DYNC1I1: variants seen among roughly 807,000 people sequenced by gnomAD.
DYNC1I1 encodes the protein cytoplasmic dynein 1 intermediate chain 1.
A neutral mutation model predicts 86.6 loss-of-function variants in DYNC1I1; 43 were observed. That is an observed-to-expected ratio of 0.50 (90% confidence interval 0.39 to 0.64). DYNC1I1 has a LOEUF of 0.64. DYNC1I1 is among the 30% of genes least tolerant of loss of function. The probability of loss-of-function intolerance (pLI) is 0.00; values close to 1 mark genes in which losing one functional copy is unlikely to be tolerated. For missense variants in DYNC1I1, 604 were observed against 788.8 expected, an observed-to-expected ratio of 0.77 and a Z score of 2.81; for synonymous variants, 262 against 283.7, an observed-to-expected ratio of 0.92 and a Z score of 0.77.
At chr7:96,040,587 G>A (rs1584270954) in intron 14 of DYNC1I1, among the ~76,000 whole-genome samples, 1 of 152,104 alleles carries the variant, frequency 6.6e-6, no homozygotes, top group South Asian at 2.1e-4. Flanking sequence ...TGCATATGTT[G>A]AGCTAAAGGT....
chr7:95,806,766 C>A (rs181376769), intron 2 of DYNC1I1, among the ~76,000 whole-genome samples: 172 of 152,296 alleles, frequency 1.1e-3, no homozygotes, highest in African/African-American at 4.0e-3. Context: ...GGCTTGAAAT[C>A]TTTTCCCTTC....
In DYNC1I1 at chr7:95,810,081, AT is replaced by A. The variant is rs202086241; in HGVS notation, c.109-302del. The stretch of plus-strand genomic sequence containing the variant: ...AAGGAAGTCTAAAAAAAGAGACAGA[AT>A]TTTTTTTTATATTATATCCCCAGCC... On this transcript the variant is annotated intron_variant, in intron 2 of 16. Transcript: ENST00000447467. Among the ~76,000 whole-genome samples, 17 of 151,844 alleles carry A rather than the reference AT, an allele frequency of 1.1e-4. No homozygotes were observed. In the East Asian group the frequency reaches 1.4e-3, roughly 12 times the overall value.
intron 5 of DYNC1I1, among the ~76,000 whole-genome samples, chr7:95,835,230 C>T (rs1384470426): frequency 3.8e-5 from 4 of 105,506 alleles, no homozygotes; most frequent in Non-Finnish European, 5.6e-5. Context: ...TCGTTATGTA[C>T]CCAGTAGTCA....
intron 5 of DYNC1I1, among the ~76,000 whole-genome samples, chr7:95,829,484 T>C (rs1175116814): frequency 1.3e-5 from 2 of 152,178 alleles, no homozygotes; most frequent in Non-Finnish European, 2.9e-5. Context: ...TGGTAAGTTA[T>C]AGTTCAGGGG....
chr7:95,803,073 C>T lies in DYNC1I1; in HGVS notation c.-9-1648C>T, dbSNP rs530758391. On this transcript the variant is annotated intron_variant, in intron 1 of 16. Transcript: ENST00000447467. ...CACAAAGTTGTAGTAGGTCAGAGCA[C>T]GGACAAGCTTGAATTTAGGTTCTGC... is the stretch of plus-strand genomic sequence containing the variant. Among the ~76,000 whole-genome samples the T allele has an allele frequency of 8.5e-5, 13 of 152,296 alleles. No homozygotes were observed. In the South Asian group the frequency reaches 2.1e-3, roughly 24 times the overall value.
downstream of DYNC1I1, among the ~76,000 whole-genome samples, chr7:96,098,805 C>T (rs371773811): frequency 6.6e-6 from 1 of 152,090 alleles, no homozygotes; most frequent in Non-Finnish European, 1.5e-5. Context: ...CTTCAATAAA[C>T]TTTTTTTCAA....
intron 14 of DYNC1I1, among the ~76,000 whole-genome samples, chr7:96,040,618 G>A (rs1352939288): frequency 6.6e-6 from 1 of 152,118 alleles, no homozygotes; most frequent in African/African-American, 2.4e-5. Flanking sequence ...GGCATTTCAA[G>A]ATCTCCATTA....
rs200649991 is a variant in DYNC1I1, at chr7:96,047,893, AG to A, written c.1509+8473del. On this transcript the variant is annotated intron_variant, in intron 14 of 16. Transcript: ENST00000447467. ...CTATTGGAATAAAAATTAAATTAAAAGAAAAAACCAGAGGAAGATTATTTCA... is the reference window on the plus strand; with the variant it reads ...CTATTGGAATAAAAATTAAATTAAAAAAAAAACCAGAGGAAGATTATTTCA... Among the ~76,000 whole-genome samples, 944 of 152,356 alleles carry A rather than the reference AG, an allele frequency of 6.2e-3. 8 individuals carry two copies. Among genetic ancestry groups the A allele is most frequent in the Middle Eastern group, 0.017 (5 of 294 alleles).
intron 16 of DYNC1I1, among the ~76,000 whole-genome samples, chr7:96,082,545 A>T (rs1392132241): frequency 6.6e-6 from 1 of 152,166 alleles, no homozygotes; most frequent in Non-Finnish European, 1.5e-5. Flanking sequence ...GGACTGAAAA[A>T]CAGATTAGTT....
chr7:96,020,044 A>T (rs1218644877), intron 10 of DYNC1I1, among the ~76,000 whole-genome samples: 6 of 151,936 alleles, frequency 3.9e-5, no homozygotes, highest in Admixed American at 2.0e-4. Flanking sequence ...AAAAAAAAAA[A>T]TAAGGCTTAG....
intron 5 of DYNC1I1, among the ~76,000 whole-genome samples, chr7:95,868,018 G>A (rs189599616): frequency 9.5e-4 from 145 of 152,256 alleles, no homozygotes; most frequent in African/African-American, 3.4e-3. Flanking sequence ...TCCCTCATTT[G>A]GTGATTTTGT....
At chr7:95,904,245 C>G (rs1475247899) in intron 6 of DYNC1I1, among the ~76,000 whole-genome samples, 1 of 152,128 alleles carries the variant, frequency 6.6e-6, no homozygotes, top group Non-Finnish European at 1.5e-5. Flanking sequence ...GACCTGGACC[C>G]TAGCCAGACC....
At chr7:95,805,890 A>G (rs554030862) in intron 2 of DYNC1I1, among the ~76,000 whole-genome samples, 1 of 152,228 alleles carries the variant, frequency 6.6e-6, no homozygotes, top group Non-Finnish European at 1.5e-5. Context: ...TACAAGGCTG[A>G]GAGACCAAGG....
In DYNC1I1 at chr7:95,785,775, G is replaced by GTATGTATA. The variant is rs55666459; in HGVS notation, c.-10+13005_-10+13006insGTATATAT. On this transcript the variant is annotated intron_variant, in intron 1 of 16. Transcript: ENST00000447467. ...TGTATGTATATATATGTGTGTATGT[G>GTATGTATA]TATATATATATATATATATATATAT... is the stretch of plus-strand genomic sequence containing the variant. 7.4e-3 allele frequency among the ~76,000 whole-genome samples: 919 copies of GTATGTATA among 124,344 alleles called. 6 individuals carry two copies. Among genetic ancestry groups the GTATGTATA allele is most frequent in the East Asian group, 0.017 (66 of 3,822 alleles). 81.6% of individuals were successfully genotyped at this position (124,344 alleles called of 152,430 possible).
chr7:95,810,286 C>T (rs1794798037), intron 2 of DYNC1I1, 106 bp from the exon 3 acceptor site: 1 of 795,978 alleles, frequency 1.3e-6, no homozygotes, highest in Admixed American at 3.0e-5. Context: ...CTATTTAGGG[C>T]TTTCACCTTG....
chr7:95,775,710 T>C (rs554028808), intron 1 of DYNC1I1, among the ~76,000 whole-genome samples: 2 of 152,232 alleles, frequency 1.3e-5, no homozygotes, highest in Non-Finnish European at 2.9e-5. Context: ...GTAGCTGTTA[T>C]ACTTTGTGGA....
At chr7:96,056,083 A>G (rs1789569383) in intron 14 of DYNC1I1, 1 of 152,168 alleles carries the variant, frequency 6.6e-6, no homozygotes, top group Admixed American at 6.5e-5. Context: ...TTGACGGGTC[A>G]CCAATCCAGG....
chr7:95,923,466 C>A (rs141289460), intron 6 of DYNC1I1, among the ~76,000 whole-genome samples: 1 of 152,158 alleles, frequency 6.6e-6, no homozygotes, highest in Admixed American at 6.6e-5. Flanking sequence ...ACTTGTATTT[C>A]GCTTATTTTG....
chr7:96,101,721 A>C (rs767896540), downstream of DYNC1I1, among the ~76,000 whole-genome samples: 14 of 152,150 alleles, frequency 9.2e-5, no homozygotes, highest in Non-Finnish European at 1.8e-4. Context: ...TTGAGTGTTC[A>C]ATTAGAATTG....
Sources: allele counts gnomAD v4.1 joint callset (sites outside exome capture counted in the v4.1 genomes callset), GRCh38; gene constraint gnomAD v4.1.1; transcripts MANE v1.5; gene names NCBI Gene and HGNC (gene_info 2026-07-23, HGNC 2026-07-21).